The following S1PR1 variants were observed in gnomAD, a reference collection of about 807,000 sequenced individuals.
S1PR1 encodes sphingosine 1-phosphate receptor 1.
A neutral mutation model predicts 18.3 loss-of-function variants in S1PR1; 2 were observed. The ratio of observed to expected loss-of-function variants is 0.11; its 90% confidence interval spans 0.04 to 0.34. S1PR1 has a LOEUF of 0.34. Among genes scored for constraint, S1PR1 ranks in the 10% least tolerant of loss-of-function variants. The probability of loss-of-function intolerance (pLI) is 1.00; values close to 1 mark genes in which losing one functional copy is unlikely to be tolerated. For missense variants in S1PR1, 335 were observed against 493.8 expected (o/e 0.68, Z 3.05); for synonymous variants, 222 against 211.2 (o/e 1.05, Z -0.44).
At chr1:101,238,543 A>C (rs1293299712) in intron 1 of S1PR1, among the ~76,000 whole-genome samples, 1 of 150,094 alleles carries the variant, frequency 6.7e-6, no homozygotes, top group Non-Finnish European at 1.5e-5. Flanking sequence ...TTTTTTTGTC[A>C]ACCCACAGCC....
At position 101,238,922 on chromosome 1, in the gene S1PR1, C is replaced by A; in HGVS notation, c.-63C>A. 6.7e-7 allele frequency: 1 copy of A among 1,486,370 alleles called. No individual in the cohort carries two copies. Among genetic ancestry groups the A allele is most frequent in the Non-Finnish European group, 9.0e-7 (1 of 1,106,806 alleles). 92.1% of individuals were successfully genotyped at this position (1,486,370 alleles called of 1,614,324 possible). ...GAAGCCAGTGAAGGCTCTCTCGCCT[C>A]GCCCTCTAGCGTTCGTCTGGAGTAG... On this transcript the variant is annotated 5_prime_UTR_variant, in exon 2 of 2. Transcript: ENST00000305352.
Position 101,240,023 on chromosome 1 carries a change from G to T in S1PR1, c.1039G>T (p.Gly347Cys). 6.2e-7 allele frequency: 1 copy of T among 1,613,860 alleles called. No individual in the cohort carries two copies. The highest frequency in any genetic ancestry group is 8.5e-7 in the Non-Finnish European group (1 of 1,180,034). The change falls in exon 2 of 2, where the codon GGC becomes TGC. Residue 347 changes from glycine (G) to cysteine (C), a missense_variant. Around this residue, in one of 3 missense-constraint regions of S1PR1, gnomAD observed 90 missense variants for 97.6 expected, o/e 0.92. Coordinates refer to ENST00000305352, the MANE Select transcript of S1PR1 (RefSeq NM_001400.5). ...CAAATTCAAGCGACCCATCATCGCCGGCATGGAATTCAGCCGCAGCAAATC... is the reference window on the plus strand; with the variant it reads ...CAAATTCAAGCGACCCATCATCGCCTGCATGGAATTCAGCCGCAGCAAATC... ...AGKFKRPIIAGMEFSRSKSDN... is the reference protein window; with the variant it reads ...AGKFKRPIIACMEFSRSKSDN...
At position 101,239,016 on chromosome 1, in the gene S1PR1, C is replaced by T; in HGVS notation, c.32C>T (p.Ala11Val). MGPTSVPLVK[A>V]HRSSVSDYVN... ...CCCACCAGCGTCCCGCTGGTCAAGGCCCACCGCAGCTCGGTCTCTGACTAC... is the reference window on the plus strand; with the variant it reads ...CCCACCAGCGTCCCGCTGGTCAAGGTCCACCGCAGCTCGGTCTCTGACTAC... Residue 11 changes from alanine (A) to valine (V), a missense_variant, in exon 2 of 2, where the codon GCC (alanine) becomes GTC (valine). Transcript: ENST00000305352. This position sits in a 1 kb window ranked among gnomAD's most constrained non-coding sequence, Gnocchi z 6.3. The T allele has an allele frequency of 6.2e-7, 1 of 1,613,732 alleles. No homozygotes were observed. Among genetic ancestry groups the T allele is most frequent in the Non-Finnish European group, 8.5e-7 (1 of 1,179,760 alleles).
intron 1 of S1PR1, 88 bp downstream of exon 1, chr1:101,237,187 A>G (rs1332222405): frequency 6.6e-6 from 1 of 152,336 alleles, no homozygotes; most frequent in Non-Finnish European, 1.5e-5. Flanking sequence ...TTTAAGTCGA[A>G]CGAGGCAAAC....
chr1:101,237,292 T>A (rs1364068045), intron 1 of S1PR1, among the ~76,000 whole-genome samples, 193 bp downstream of exon 1: 2 of 152,138 alleles, frequency 1.3e-5, no homozygotes, highest in African/African-American at 4.8e-5. Context: ...TGGGCACTTG[T>A]GATTTATGGA....
In S1PR1 at chr1:101,238,936, C is replaced by A; in HGVS notation, c.-49C>A. On this transcript the variant is annotated 5_prime_UTR_variant, in exon 2 of 2. Transcript: ENST00000305352. ...CTCTCTCGCCTCGCCCTCTAGCGTTCGTCTGGAGTAGCGCCACCCCGGCTT... is the reference window on the plus strand; with the variant it reads ...CTCTCTCGCCTCGCCCTCTAGCGTTAGTCTGGAGTAGCGCCACCCCGGCTT... 1.3e-6 allele frequency: 2 copies of A among 1,543,152 alleles called. No homozygotes were observed. The highest frequency in any genetic ancestry group is 1.2e-5 in the South Asian group (1 of 80,914).
rs1425283404 is a variant in S1PR1 at position 101,239,564 on chromosome 1, G to A, written c.580G>A (p.Val194Met). 3 of 1,613,834 alleles carry A rather than the reference G, an allele frequency of 1.9e-6. No individual in the cohort carries two copies. The highest frequency in any genetic ancestry group is 2.5e-6 in the Non-Finnish European group (3 of 1,180,018). ...CISALSSCST[V>M]LPLYHKHYIL... ...CAGTGCGCTGTCCAGCTGCTCCACC[G>A]TGCTGCCGCTCTACCACAAGCACTA... Residue 194 changes from valine (V) to methionine (M), a missense_variant, in exon 2 of 2, where the codon GTG (valine) becomes ATG (methionine). Val to Met is a conservative substitution (Grantham distance 21). Transcript: ENST00000305352. The surrounding 1 kb of genome is among the most constrained non-coding windows in gnomAD (Gnocchi z 6.3).
At position 101,240,900 on chromosome 1, in the gene S1PR1, G is replaced by C. The variant is rs139286749; in HGVS notation, c.*767G>C. On this transcript the variant is annotated 3_prime_UTR_variant, in exon 2 of 2. Coordinates refer to ENST00000305352, the MANE Select transcript of S1PR1 (RefSeq NM_001400.5). Reference sequence around the variant, plus strand: ...TCCATTGAAGCCGAAATCTGCATAAGGAAGCCCACTTTATCTAAATGATAT... The same window carrying C: ...TCCATTGAAGCCGAAATCTGCATAACGAAGCCCACTTTATCTAAATGATAT... 1 of 167,322 alleles carries C rather than the reference G, an allele frequency of 6.0e-6. No individual in the cohort carries two copies. The highest frequency in any genetic ancestry group is 1.9e-4 in the East Asian group (1 of 5,334). 10.4% of individuals were successfully genotyped at this position (167,322 alleles called of 1,614,324 possible).
At chr1:101,236,922 G>C (rs562333104), upstream of S1PR1, 2 of 152,262 alleles carry the variant, frequency 1.3e-5, no homozygotes, top group Non-Finnish European at 2.9e-5. Context: ...TAGCAGGCAG[G>C]GAACTGGCCG....
chr1:101,240,247 C>CA lies in S1PR1; in HGVS notation c.*115dup. The CA allele has an allele frequency of 1.8e-6, 2 of 1,133,316 alleles. No individual in the cohort carries two copies. Among genetic ancestry groups the CA allele is most frequent in the Non-Finnish European group, 1.3e-6 (1 of 787,770 alleles). 70.2% of individuals were successfully genotyped at this position (1,133,316 alleles called of 1,614,324 possible). On this transcript the variant is annotated 3_prime_UTR_variant, in exon 2 of 2. Coordinates refer to ENST00000305352, the MANE Select transcript of S1PR1 (RefSeq NM_001400.5). ...CTGCCAGGGAGGAGCTGCTGCAAGCCAGAGGGAGGAAGGGGGAGAATACGA... is the reference window on the plus strand; with the variant it reads ...CTGCCAGGGAGGAGCTGCTGCAAGCCAAGAGGGAGGAAGGGGGAGAATACGA...
intron 1 of S1PR1, among the ~76,000 whole-genome samples, 151 bp downstream of exon 1, chr1:101,237,250 T>C (rs919589512): frequency 5.9e-5 from 9 of 152,206 alleles, no homozygotes; most frequent in African/African-American, 1.9e-4. Flanking sequence ...ATCTCTGGGC[T>C]ACTAAGGAGC....
chr1:101,240,503 A>T lies in S1PR1; in HGVS notation c.*370A>T, dbSNP rs201827837. On this transcript the variant is annotated 3_prime_UTR_variant, in exon 2 of 2. Transcript: ENST00000305352. The stretch of plus-strand genomic sequence containing the variant: ...CGTCTCTTTGTCTGGAGCTTTGAGG[A>T]GATGTTTTCCTTCACTTTAGTTTCA... The T allele has an allele frequency of 3.8e-6, 1 of 266,208 alleles. No individual in the cohort carries two copies. The highest frequency in any genetic ancestry group is 2.2e-5 in the African/African-American group (1 of 44,878). 16.5% of individuals were successfully genotyped at this position (266,208 alleles called of 1,614,324 possible). A position where few individuals can be genotyped will look rare whatever the true frequency, so the allele number is the denominator to read the frequency against.
rs148977042 is a variant in S1PR1 at position 101,239,118 on chromosome 1, T to C, written c.134T>C (p.Ile45Thr). ...ATCAGCGCGGACAAGGAGAACAGCA[T>C]TAAACTGACCTCGGTGGTGTTCATT... ...LNISADKENS[I>T]KLTSVVFILI... The change falls in exon 2 of 2, where the codon ATT becomes ACT. Residue 45 changes from isoleucine (I) to threonine (T), a missense_variant. This residue lies in a region of S1PR1 where 214 missense variants were observed against 366.6 expected (regional missense o/e 0.58). Coordinates refer to ENST00000305352, the MANE Select transcript of S1PR1 (RefSeq NM_001400.5). This position sits in a 1 kb window ranked among gnomAD's most constrained non-coding sequence, Gnocchi z 6.3. 917 of 1,614,258 alleles carry C rather than the reference T, an allele frequency of 5.7e-4. 14 individuals are homozygous for C. In the Admixed American group the frequency reaches 0.015, roughly 26 times the overall value.
rs202189085 is a variant in S1PR1 at position 101,241,329 on chromosome 1, G to A, written c.*1196G>A. Reference sequence around the variant, plus strand: ...AGCTATTCATTAGATAGTAATTGAAGATATGTATAAATATTACAAAGAATA... The same window carrying A: ...AGCTATTCATTAGATAGTAATTGAAAATATGTATAAATATTACAAAGAATA... On this transcript the variant is annotated 3_prime_UTR_variant, in exon 2 of 2. Transcript: ENST00000305352. The A allele has an allele frequency of 1.3e-4, 21 of 167,246 alleles. No individual in the cohort carries two copies. The highest frequency in any genetic ancestry group is 3.9e-4 in the Admixed American group (6 of 15,306). The allele number at this position is 167,246 out of a possible 1,614,324, so 10.4% of individuals were successfully genotyped here.
rs1365464759 is a variant in S1PR1 at position 101,240,486 on chromosome 1, T to C, written c.*353T>C. The C allele has an allele frequency of 3.4e-6, 1 of 292,932 alleles. No individual in the cohort carries two copies. Among genetic ancestry groups the C allele is most frequent in the Admixed American group, 4.9e-5 (1 of 20,274 alleles). The allele number at this position is 292,932 out of a possible 1,614,324, so 18.1% of individuals were successfully genotyped here. A position where few individuals can be genotyped will look rare whatever the true frequency, so the allele number is the denominator to read the frequency against. On this transcript the variant is annotated 3_prime_UTR_variant, in exon 2 of 2. Coordinates refer to ENST00000305352, the MANE Select transcript of S1PR1 (RefSeq NM_001400.5). ...ATGTCCCCATGTGAAAGCGTCTCTT[T>C]GTCTGGAGCTTTGAGGAGATGTTTT...
At chr1:101,241,716 G>GT (rs1164595669), downstream of S1PR1, among the ~76,000 whole-genome samples, 1 of 152,170 alleles carries the variant, frequency 6.6e-6, no homozygotes, top group Admixed American at 6.5e-5. Context: ...AGTTAACACT[G>GT]AAGAGTAGTA....
At position 101,239,704 on chromosome 1, in the gene S1PR1, C is replaced by T. The variant is rs966764967; in HGVS notation, c.720C>T (p.Asn240=). ...TRSRRLTFRK[N]ISKASRSSEK... ...GCCGCCGCCTGACGTTCCGCAAGAA[C>T]ATTTCCAAGGCCAGCCGCAGCTCTG... The change falls in exon 2 of 2, where the codon AAC becomes AAT. Residue 240 remains asparagine, a synonymous_variant. Transcript: ENST00000305352. This position sits in a 1 kb window ranked among gnomAD's most constrained non-coding sequence, Gnocchi z 6.3. 5.0e-6 allele frequency: 8 copies of T among 1,613,928 alleles called. No individual in the cohort carries two copies. The African/African-American group carries it at 8.0e-5, about 16-fold the overall frequency.
chr1:101,240,153 A>C lies in S1PR1; in HGVS notation c.*20A>C. 6.2e-7 allele frequency: 1 copy of C among 1,612,590 alleles called. No individual in the cohort carries two copies. Among genetic ancestry groups the C allele is most frequent in the Non-Finnish European group, 8.5e-7 (1 of 1,179,808 alleles). ...TCCTAGAACTGGAAGCTGTCCACCC[A>C]CCGGAAGCGCTCTTTACTTGGTCGC... On this transcript the variant is annotated 3_prime_UTR_variant, in exon 2 of 2. Coordinates refer to ENST00000305352, the MANE Select transcript of S1PR1 (RefSeq NM_001400.5).
intron 1 of S1PR1, among the ~76,000 whole-genome samples, chr1:101,237,745 T>C (rs1343734697): frequency 6.6e-6 from 1 of 152,150 alleles, no homozygotes. Context: ...AATTTAGCAA[T>C]GCACCAGGGA....
Sources: gnomAD v4.1 joint callset for allele counts (sites outside exome capture counted in the v4.1 genomes callset) on GRCh38, gnomAD v4.1.1 for gene constraint, gnomAD v4.1.1 regional missense constraint, Gnocchi (gnomAD v3.1) non-coding constraint, MANE v1.5 for transcripts, NCBI Gene and HGNC (gene_info 2026-07-23, HGNC 2026-07-21) for gene names.